Variants in SPIDR observed in about 807,000 individuals in gnomAD.
The protein encoded by SPIDR is DNA repair-scaffolding protein.
In SPIDR, 93 loss-of-function variants were observed where a neutral mutation model predicts 104.6. The ratio of observed to expected loss-of-function variants is 0.89; its 90% CI spans 0.75 to 1.06. The LOEUF (loss-of-function observed/expected upper bound fraction) is 1.06. Among genes scored for constraint, SPIDR ranks in the 50% least tolerant of loss-of-function variants. SPIDR has a pLI of 0.00. For missense variants in SPIDR, 1,154 were observed against 1,111.2 expected, an observed-to-expected ratio of 1.04 and a Z score of -0.55; for synonymous variants, 431 against 416.9, an observed-to-expected ratio of 1.03 and a Z score of -0.41.
intron 5 of SPIDR, 62 bp downstream of exon 5, chr8:47,294,092 A>ATTT: frequency 1.7e-6 from 2 of 1,153,450 alleles, no homozygotes; most frequent in South Asian, 3.3e-5. Context: ...CATAGTTGTC[A>ATTT]TTTTTTTTTT....
At chr8:47,442,638 T>G (rs1159988595) in intron 8 of SPIDR, among the ~76,000 whole-genome samples, 2 of 152,234 alleles carry the variant, frequency 1.3e-5, no homozygotes, top group African/African-American at 4.8e-5. Context: ...TGTTCACCCC[T>G]TAGTTTTACT....
intron 1 of SPIDR, among the ~76,000 whole-genome samples, chr8:47,266,579 C>G (rs1554546925): frequency 6.6e-6 from 1 of 152,180 alleles, no homozygotes; most frequent in African/African-American, 2.4e-5. Flanking sequence ...CATTTGTGTA[C>G]AGGTTTTTGT....
At chr8:47,370,439 ATTTTTTTT>A (rs34220804) in intron 5 of SPIDR, among the ~76,000 whole-genome samples, 9 of 99,066 alleles carry the variant, frequency 9.1e-5, no homozygotes, top group Admixed American at 3.6e-4. Context: ...AGAGGTCAAG[ATTTTTTTT>A]TTTTTTTTTT....
chr8:47,598,069 C>T (rs1295055218), intron 9 of SPIDR, among the ~76,000 whole-genome samples: 1 of 152,176 alleles, frequency 6.6e-6, no homozygotes, highest in East Asian at 1.9e-4. Context: ...GGAAGACTCT[C>T]GAATCAATTT....
At chr8:47,486,827 C>T (rs1244635196) in intron 8 of SPIDR, among the ~76,000 whole-genome samples, 2 of 152,138 alleles carry the variant, frequency 1.3e-5, no homozygotes, top group Admixed American at 1.3e-4. Context: ...ACCAGGCCTG[C>T]CCTAAAAGAG....
chr8:47,516,722 A>T (rs1007158692), intron 8 of SPIDR, among the ~76,000 whole-genome samples: 1 of 152,152 alleles, frequency 6.6e-6, no homozygotes, highest in African/African-American at 2.4e-5. Context: ...CTACTGTGTG[A>T]ATAATGCTTC....
At chr8:47,552,190 A>ATTTTGGAATAAGTG (rs1442346584) in intron 8 of SPIDR, among the ~76,000 whole-genome samples, 8 of 152,212 alleles carry the variant, frequency 5.3e-5, no homozygotes, top group Non-Finnish European at 1.0e-4. Context: ...TTTACTTCCA[A>ATTTTGGAATAAGTG]CTATGTGGTC....
At chr8:47,321,294 C>A (rs1450318945) in intron 5 of SPIDR, among the ~76,000 whole-genome samples, 3 of 151,756 alleles carry the variant, frequency 2.0e-5, no homozygotes, top group African/African-American at 7.2e-5. Flanking sequence ...TTCTTATACA[C>A]CAATAACAGA....
chr8:47,523,671 CCT>C (rs200765840), intron 8 of SPIDR, among the ~76,000 whole-genome samples: 1,560 of 152,300 alleles, frequency 0.01, 16 homozygotes, highest in Non-Finnish European at 0.017. Context: ...CCCAGGCCTG[CCT>C]CTCTTTTCCC....
chr8:47,511,299 T>C (rs1472516131), intron 8 of SPIDR: 5 of 1,401,406 alleles, frequency 3.6e-6, no homozygotes, highest in Non-Finnish European at 5.1e-6. Context: ...AAGAGCTGGC[T>C]TTGGCTTCAT....
intron 10 of SPIDR, among the ~76,000 whole-genome samples, chr8:47,606,304 G>C (rs944191014): frequency 2.6e-5 from 4 of 151,934 alleles, no homozygotes; most frequent in Admixed American, 1.3e-4. Flanking sequence ...TGGATCACGA[G>C]GTCAAGAGAT....
intron 7 of SPIDR, among the ~76,000 whole-genome samples, chr8:47,416,565 T>C (rs1200090341): frequency 2.0e-5 from 3 of 152,182 alleles, no homozygotes; most frequent in Admixed American, 2.0e-4. Context: ...TCAGGTGTTA[T>C]GGTAAGGGCA....
intron 5 of SPIDR, among the ~76,000 whole-genome samples, chr8:47,333,000 TTTAA>T (rs758292484): frequency 1.9e-3 from 291 of 151,500 alleles, no homozygotes; most frequent in Middle Eastern, 0.01. Flanking sequence ...AGCTCTTTAG[TTTAA>T]TTAGATCCCA....
At chr8:47,516,128 A>G (rs935286268) in intron 8 of SPIDR, among the ~76,000 whole-genome samples, 1 of 152,192 alleles carries the variant, frequency 6.6e-6, no homozygotes, top group Non-Finnish European at 1.5e-5. Flanking sequence ...TTTTTAAGAC[A>G]CAAAGTCTGC....
chr8:47,262,917 G>A (rs2032886191), intron 1 of SPIDR, among the ~76,000 whole-genome samples: 1 of 152,122 alleles, frequency 6.6e-6, no homozygotes, highest in Non-Finnish European at 1.5e-5. Context: ...CTTTCCCTTA[G>A]GCACTACTTT....
chr8:47,440,751 G>T (rs563754433), intron 8 of SPIDR, among the ~76,000 whole-genome samples: 1 of 152,256 alleles, frequency 6.6e-6, no homozygotes, highest in South Asian at 2.1e-4. Flanking sequence ...CTGATAATTT[G>T]GGGTGAGAGG....
intron 8 of SPIDR, among the ~76,000 whole-genome samples, chr8:47,516,437 T>TC (rs1185704947): frequency 6.6e-6 from 1 of 152,138 alleles, no homozygotes; most frequent in Non-Finnish European, 1.5e-5. Flanking sequence ...ACTAACTCCT[T>TC]CTCCCCACAA....
At chr8:47,468,555 C>G (rs1284028509) in intron 8 of SPIDR, among the ~76,000 whole-genome samples, 14 of 152,146 alleles carry the variant, frequency 9.2e-5, no homozygotes, top group African/African-American at 3.4e-4. Flanking sequence ...GGCCGCACAC[C>G]TACAGTCATC....
chr8:47,681,786 T>C (rs1049006700), intron 11 of SPIDR, among the ~76,000 whole-genome samples: 2 of 152,204 alleles, frequency 1.3e-5, no homozygotes, highest in South Asian at 4.1e-4. Flanking sequence ...AATGTGTATT[T>C]TGCATAAGAA....
Sources: gnomAD v4.1 joint callset for allele counts (sites outside exome capture counted in the v4.1 genomes callset) on GRCh38, gnomAD v4.1.1 for gene constraint, MANE v1.5 for transcripts, NCBI Gene and HGNC (gene_info 2026-07-23, HGNC 2026-07-21) for gene names.